The following UMAD1 variants were observed in gnomAD, a reference collection of about 807,000 sequenced individuals.
UMAD1 encodes UBAP1-MVB12-associated (UMA)-domain containing protein 1.
In UMAD1, 8 loss-of-function variants were observed where a neutral mutation model predicts 6.1. The ratio of observed to expected loss-of-function variants is 1.30; its 90% CI spans 0.76 to 2.35. The LOEUF is 2.35. Among genes scored for constraint, UMAD1 ranks in the 30% most tolerant of loss-of-function variants. The probability of loss-of-function intolerance (pLI) is 0.00; values close to 1 mark genes in which losing one functional copy is unlikely to be tolerated. For synonymous variants in UMAD1, 56 were observed against 31.4 expected (o/e 1.78, Z -2.61); for missense variants, 130 against 78.4 (o/e 1.66, Z -2.49).
Position 7,844,198 on chromosome 7 carries a change from C to T in UMAD1, c.157-33083C>T, listed in dbSNP as rs370176273. 3.3e-5 allele frequency among the ~76,000 whole-genome samples: 5 copies of T among 152,282 alleles called. No individual in the cohort carries two copies. The East Asian group carries it at 5.8e-4, about 18-fold the overall frequency. ...AGCATTTCCCACATACCCTGTATGC[C>T]GTCACTTGCAGATGTGATTATTGCA... On this transcript the variant is annotated intron_variant, in intron 3 of 3. Coordinates refer to ENST00000682710, the MANE Select transcript of UMAD1 (RefSeq NM_001302348.2).
chr7:7,777,430 C>A lies in UMAD1; in HGVS notation c.83-24240C>A, dbSNP rs1051882445. Among the ~76,000 whole-genome samples, 4 of 147,042 alleles carry A rather than the reference C, an allele frequency of 2.7e-5. No homozygotes were observed. In the South Asian group the frequency reaches 6.6e-4, roughly 24 times the overall value. ...ATGAGGCAGGAGAATCGCCTGAACC[C>A]GGGAGGTGGTGGTTGCAGTGAGCTG... On this transcript the variant is annotated intron_variant, in intron 2 of 3. Transcript: ENST00000682710.
chr7:7,859,439 T>C (rs1226489419), intron 3 of UMAD1, among the ~76,000 whole-genome samples: 2 of 152,220 alleles, frequency 1.3e-5, no homozygotes, highest in African/African-American at 4.8e-5. Context: ...ATTACGAGTA[T>C]CTTTTCAGTA....
Position 7,806,249 on chromosome 7 carries a change from T to A in UMAD1, c.156+4506T>A, listed in dbSNP as rs1011497398. Among the ~76,000 whole-genome samples, 4 of 151,338 alleles carry A rather than the reference T, an allele frequency of 2.6e-5. 1 individual carries two copies. The South Asian group carries it at 8.4e-4, about 32-fold the overall frequency. The stretch of plus-strand genomic sequence containing the variant: ...TCTAAAAAAGAACAGCAGGGTTTTT[T>A]TTTTTTTACTTCCCCCCTCTAAAAT... On this transcript the variant is annotated intron_variant, in intron 3 of 3. Coordinates refer to ENST00000682710, the MANE Select transcript of UMAD1 (RefSeq NM_001302348.2).
At chr7:7,833,020 C>T (rs1373717009) in intron 3 of UMAD1, among the ~76,000 whole-genome samples, 1 of 152,146 alleles carries the variant, frequency 6.6e-6, no homozygotes, top group African/African-American at 2.4e-5. Flanking sequence ...AGTGATTTGT[C>T]TTGCTAGAGT....
chr7:7,742,355 G>A lies in UMAD1; in HGVS notation c.83-59315G>A, dbSNP rs1208811300. On this transcript the variant is annotated intron_variant, in intron 2 of 3. Transcript: ENST00000682710. Reference sequence around the variant, plus strand: ...GTGGTTAAGCTTGTTTCTCCTGGGGGCGCTCTTCCGAGGATATCTGGGCTG... The same window carrying A: ...GTGGTTAAGCTTGTTTCTCCTGGGGACGCTCTTCCGAGGATATCTGGGCTG... 3 of 601,356 alleles carry A rather than the reference G, an allele frequency of 5.0e-6. No homozygotes were observed. In the East Asian group the frequency reaches 1.0e-4, roughly 21 times the overall value. 37.3% of individuals were successfully genotyped at this position (601,356 alleles called of 1,614,324 possible). A position where few individuals can be genotyped will look rare whatever the true frequency, so the allele number is the denominator to read the frequency against.
chr7:7,759,825 G>C (rs938149684), intron 2 of UMAD1, among the ~76,000 whole-genome samples: 2 of 152,140 alleles, frequency 1.3e-5, no homozygotes, highest in Non-Finnish European at 2.9e-5. Flanking sequence ...CATATTCAGG[G>C]AACAGTAAGA....
At chr7:7,663,122 C>T (rs1563097191) in intron 1 of UMAD1, among the ~76,000 whole-genome samples, 1 of 151,318 alleles carries the variant, frequency 6.6e-6, no homozygotes, top group East Asian at 1.9e-4. Context: ...ATAATGCTCT[C>T]AATCTTTTTG....
chr7:7,673,398 G>T lies in UMAD1; in HGVS notation c.27G>T (p.Pro9=), dbSNP rs1779660614. 1 of 1,173,440 alleles carries T rather than the reference G, an allele frequency of 8.5e-7. No individual in the cohort carries two copies. The highest frequency in any genetic ancestry group is 1.5e-5 in the African/African-American group (1 of 66,264). The allele number at this position is 1,173,440 out of a possible 1,614,324, so 72.7% of individuals were successfully genotyped here. A position where few individuals can be genotyped will look rare whatever the true frequency, so the allele number is the denominator to read the frequency against. Residue 9 remains proline (P), a synonymous_variant, in exon 2 of 4, where the codon CCG becomes CCT. Transcript: ENST00000682710. The part of the protein sequence containing the change: MFHFFRKP[P]ESKKPSVPET... ...TGTTTCACTTCTTCAGAAAGCCTCC[G>T]GAATCTAAAAAGCCCTCAGTACCAG...
intron 1 of UMAD1, among the ~76,000 whole-genome samples, chr7:7,660,040 C>T (rs982195696): frequency 6.6e-6 from 1 of 152,198 alleles, no homozygotes; most frequent in Non-Finnish European, 1.5e-5. Context: ...GCATTGATCC[C>T]TTTACCATTA....
rs1035638906 is a variant in UMAD1 at position 7,755,627 on chromosome 7, A to G, written c.83-46043A>G. The stretch of plus-strand genomic sequence containing the variant: ...TTAAAGAAAAGGCTTTTGTATTGGC[A>G]AAGACACTCCAAAATGGTTTCCAAG... On this transcript the variant is annotated intron_variant, in intron 2 of 3. Coordinates refer to ENST00000682710, the MANE Select transcript of UMAD1 (RefSeq NM_001302348.2). 7.2e-5 allele frequency among the ~76,000 whole-genome samples: 11 copies of G among 152,236 alleles called. No individual in the cohort carries two copies. In the East Asian group the frequency reaches 2.1e-3, roughly 29 times the overall value.
intron 1 of UMAD1, among the ~76,000 whole-genome samples, chr7:7,668,013 C>T (rs1399513827): frequency 6.6e-6 from 1 of 152,052 alleles, no homozygotes; most frequent in Non-Finnish European, 1.5e-5. Flanking sequence ...GCCTTCTGGG[C>T]TCAAGCAGTC....
At chr7:7,838,370 TGACCATACACGTATGGAA>T (rs1340588348) in intron 3 of UMAD1, among the ~76,000 whole-genome samples, 4 of 152,138 alleles carry the variant, frequency 2.6e-5, no homozygotes, top group Non-Finnish European at 5.9e-5. Context: ...AGGTTGATAT[TGACCATACACGTATGGAA>T]GAGACATTCT....
At position 7,830,204 on chromosome 7, in the gene UMAD1, C is replaced by T. The variant is rs1383087232; in HGVS notation, c.156+28461C>T. The stretch of plus-strand genomic sequence containing the variant: ...CTGCTAGGACTGTGTCTACCTTGTA[C>T]GTTGTGCTGGAATCAACTTGCCATT... On this transcript the variant is annotated intron_variant, in intron 3 of 3. Transcript: ENST00000682710. The surrounding 1 kb of genome is among the most constrained non-coding windows in gnomAD (Gnocchi z 5.3). Among the ~76,000 whole-genome samples the T allele has an allele frequency of 6.6e-5, 10 of 152,186 alleles. No individual in the cohort carries two copies. The highest frequency in any genetic ancestry group is 2.4e-4 in the African/African-American group (10 of 41,452).
At chr7:7,752,567 G>A (rs116062514) in intron 2 of UMAD1, among the ~76,000 whole-genome samples, 2,147 of 152,088 alleles carry the variant, frequency 0.014, 49 homozygotes, top group African/African-American at 0.05. Context: ...CTAAAAACCC[G>A]ACATGAGTTG....
intron 3 of UMAD1, among the ~76,000 whole-genome samples, chr7:7,842,054 T>C (rs1783691459): frequency 6.6e-6 from 1 of 152,194 alleles, no homozygotes; most frequent in African/African-American, 2.4e-5. Context: ...AGTGTCTCTG[T>C]CGGGTATGTT....
chr7:7,656,479 A>G (rs187650897), intron 1 of UMAD1, among the ~76,000 whole-genome samples: 168 of 152,172 alleles, frequency 1.1e-3, no homozygotes, highest in African/African-American at 3.5e-3. Flanking sequence ...CTTCCACCCC[A>G]TGACAGGCCC....
chr7:7,673,365 A>AGCAGCAGCAGCG lies in UMAD1; in HGVS notation c.-1_1insGCAGCGGCAGCA. ...CAGCAGCAGCAGCAGCAGCAGCAGC[A>AGCAGCAGCAGCG]GCAGCAATGTTTCACTTCTTCAGAA... On this transcript the variant is annotated 5_prime_UTR_variant, in exon 2 of 4. Coordinates refer to ENST00000682710, the MANE Select transcript of UMAD1 (RefSeq NM_001302348.2). 9.1e-7 allele frequency: 1 copy of AGCAGCAGCAGCG among 1,098,450 alleles called. No individual in the cohort carries two copies. 68.0% of individuals were successfully genotyped at this position (1,098,450 alleles called of 1,614,324 possible). A position where few individuals can be genotyped will look rare whatever the true frequency, so the allele number is the denominator to read the frequency against.
intron 3 of UMAD1, among the ~76,000 whole-genome samples, chr7:7,857,925 A>G (rs1784050150): frequency 6.6e-6 from 1 of 152,230 alleles, no homozygotes; most frequent in South Asian, 2.1e-4. Context: ...CTCTAGAAAC[A>G]ATAGCTTTGC....
chr7:7,744,870 T>C (rs1781541304), intron 2 of UMAD1, among the ~76,000 whole-genome samples: 1 of 152,118 alleles, frequency 6.6e-6, no homozygotes, highest in Non-Finnish European at 1.5e-5. Context: ...ATTCTGTAGG[T>C]TGTCTTTTCA....
Sources: allele counts gnomAD v4.1 joint callset (sites outside exome capture counted in the v4.1 genomes callset), GRCh38; gene constraint gnomAD v4.1.1; non-coding constraint Gnocchi (gnomAD v3.1); transcripts MANE v1.5; gene names NCBI Gene and HGNC (gene_info 2026-07-23, HGNC 2026-07-21).